The following RGPD2 variants were observed in gnomAD, a reference collection of about 807,000 sequenced individuals.
RGPD2 encodes the protein RANBP2-like and GRIP domain-containing protein 2.
A neutral mutation model predicts 36.0 loss-of-function variants in RGPD2; 2 were observed. The ratio of observed to expected loss-of-function variants is 0.06; its 90% CI spans 0.02 to 0.17. RGPD2 has a LOEUF of 0.17. Ranked by LOEUF, RGPD2 falls within the 10% of genes least tolerant of loss-of-function variation. The pLI, the probability that RGPD2 is intolerant of heterozygous loss-of-function variation, is 1.00. For missense variants in RGPD2, 40 were observed against 464.3 expected (o/e 0.09, Z 8.40); for synonymous variants, 19 against 163.8 (o/e 0.12, Z 6.75).
At chr2:87,966,474 G>C in the RGPD2 span, among the ~76,000 whole-genome samples, 1 of 149,244 alleles carries the variant, frequency 6.7e-6, no homozygotes, top group African/African-American at 2.4e-5. Context: ...GCACTCAAAA[G>C]TGTTGACCCT....
At chr2:87,836,517 A>G in the RGPD2 span, among the ~76,000 whole-genome samples, 1 of 151,576 alleles carries the variant, frequency 6.6e-6, no homozygotes, top group Non-Finnish European at 1.5e-5. Flanking sequence ...TCATAAGTGA[A>G]GGAAACATTA....
At chr2:87,985,199 AACAGAGTAGATGGTATAAGT>A in the RGPD2 span, among the ~76,000 whole-genome samples, 2 of 148,690 alleles carry the variant, frequency 1.3e-5, no homozygotes, top group South Asian at 4.4e-4. Flanking sequence ...TTATACCATT[AACAGAGTAGATGGTATAAGT>A]ACAGAGTAGA....
chr2:87,936,272 A>G, the RGPD2 span, among the ~76,000 whole-genome samples: 1 of 151,798 alleles, frequency 6.6e-6, no homozygotes, highest in East Asian at 1.9e-4. Flanking sequence ...AGACAGGAAT[A>G]GGGACTACAG....
At chr2:87,883,583 C>T in the RGPD2 span, among the ~76,000 whole-genome samples, 2 of 151,630 alleles carry the variant, frequency 1.3e-5, no homozygotes, top group Non-Finnish European at 2.9e-5. Context: ...TCATCTCAAC[C>T]TAAAGGCCAC....
chr2:87,978,137 TAAA>T, the RGPD2 span, among the ~76,000 whole-genome samples: 1 of 149,368 alleles, frequency 6.7e-6, no homozygotes, highest in African/African-American at 2.5e-5. Flanking sequence ...TAAAATAAAA[TAAA>T]AAACTGATAC....
chr2:87,865,356 T>A, the RGPD2 span, among the ~76,000 whole-genome samples: 2 of 151,566 alleles, frequency 1.3e-5, no homozygotes, highest in African/African-American at 4.8e-5. Context: ...CTGTTCACTT[T>A]AATCTTAACA....
At chr2:87,895,176 T>C in the RGPD2 span, among the ~76,000 whole-genome samples, 4 of 152,264 alleles carry the variant, frequency 2.6e-5, no homozygotes, top group South Asian at 2.1e-4. Context: ...ATGCCGATTC[T>C]GCCTTAAGTA....
At chr2:87,983,812 C>G in the RGPD2 span, among the ~76,000 whole-genome samples, 1 of 151,652 alleles carries the variant, frequency 6.6e-6, no homozygotes, top group East Asian at 2.0e-4. Flanking sequence ...TGCAAACACT[C>G]AGAGGCAGAA....
At chr2:87,989,807 C>G in the RGPD2 span, 1 of 1,329,038 alleles carries the variant, frequency 7.5e-7, no homozygotes, top group African/African-American at 1.5e-5. Flanking sequence ...AAGAATCCCT[C>G]AGTTCTGGAA....
chr2:87,844,405 T>G, the RGPD2 span, among the ~76,000 whole-genome samples: 3 of 151,754 alleles, frequency 2.0e-5, no homozygotes, highest in South Asian at 6.2e-4. Flanking sequence ...TTACACATAT[T>G]CTTGATTGTT....
the RGPD2 span, among the ~76,000 whole-genome samples, chr2:87,977,497 T>A: frequency 6.6e-6 from 1 of 151,420 alleles, no homozygotes; most frequent in East Asian, 1.9e-4. Flanking sequence ...TGGCAAACAA[T>A]CTTGTGCAAA....
the RGPD2 span, among the ~76,000 whole-genome samples, chr2:87,934,673 T>C: frequency 6.6e-6 from 1 of 150,840 alleles, no homozygotes; most frequent in African/African-American, 2.4e-5. Context: ...AGACTTTGAA[T>C]TTTTGACCTA....
At chr2:87,986,629 A>G in the RGPD2 span, among the ~76,000 whole-genome samples, 3 of 151,778 alleles carry the variant, frequency 2.0e-5, no homozygotes, top group Non-Finnish European at 4.4e-5. Context: ...CCTGTAATCT[A>G]AGCACTTTGC....
At chr2:87,864,577 G>T in the RGPD2 span, among the ~76,000 whole-genome samples, 4 of 33,172 alleles carry the variant, frequency 1.2e-4, no homozygotes, top group Admixed American at 6.1e-4. Context: ...ATAGATAGAT[G>T]ATAGATAGAT....
At chr2:87,826,037 T>C (rs556387767), upstream of RGPD2, 2 of 337,390 alleles carry the variant, frequency 5.9e-6, no homozygotes, top group East Asian at 8.9e-5. Context: ...TTTGCTTATT[T>C]CAATATTTTC....
chr2:87,894,528 T>C, the RGPD2 span, among the ~76,000 whole-genome samples: 11 of 152,002 alleles, frequency 7.2e-5, 1 homozygote, highest in East Asian at 2.1e-3. Flanking sequence ...TTGAAGATAC[T>C]GTGTTATCTT....
the RGPD2 span, among the ~76,000 whole-genome samples, chr2:87,973,248 GGTGACCCCTGCCCCC>G: frequency 6.7e-6 from 1 of 150,036 alleles, no homozygotes; most frequent in South Asian, 2.1e-4. Flanking sequence ...CTGGGGCAGG[GGTGACCCCTGCCCCC>G]ACACCCCCCT....
chr2:87,932,910 A>T, the RGPD2 span, among the ~76,000 whole-genome samples: 1 of 138,798 alleles, frequency 7.2e-6, no homozygotes, highest in Non-Finnish European at 1.6e-5. Flanking sequence ...ACCTTGGAGA[A>T]CCATGTGGTT....
the RGPD2 span, among the ~76,000 whole-genome samples, chr2:87,881,353 A>G: frequency 6.6e-6 from 1 of 152,254 alleles, no homozygotes; most frequent in Admixed American, 6.5e-5. Flanking sequence ...TCAACCCCAC[A>G]ATTTACCTCC....
Sources: allele counts gnomAD v4.1 joint callset (sites outside exome capture counted in the v4.1 genomes callset), GRCh38; gene constraint gnomAD v4.1.1; transcripts MANE v1.5; gene names NCBI Gene and HGNC (gene_info 2026-07-23, HGNC 2026-07-21).